LRP1B: variants seen among roughly 807,000 people sequenced by gnomAD.
LRP1B encodes low-density lipoprotein receptor-related protein 1B.
Under a neutral mutation model 556.6 loss-of-function variants are expected in LRP1B, and 217 were observed. The observed-to-expected ratio is 0.39, with a 90% CI of 0.35 to 0.44. The LOEUF (loss-of-function observed/expected upper bound fraction) is 0.44. Ranked by LOEUF, LRP1B falls within the 20% of genes least tolerant of loss-of-function variation. LRP1B has a pLI of 1.00. For synonymous variants in LRP1B, 2,047 were observed against 1,865.8 expected, an observed-to-expected ratio of 1.10 and a Z score of -2.50; for missense variants, 5,053 against 5,620.8, an observed-to-expected ratio of 0.90 and a Z score of 3.23.
intron 2 of LRP1B, among the ~76,000 whole-genome samples, chr2:141,673,541 T>C (rs1574225242): frequency 6.6e-6 from 1 of 152,266 alleles, no homozygotes; most frequent in East Asian, 1.9e-4. Context: ...TCTCTTAAAA[T>C]GTGCTGTCCA....
intron 2 of LRP1B, among the ~76,000 whole-genome samples, chr2:141,633,540 A>G (rs1310029542): frequency 1.3e-5 from 2 of 152,184 alleles, no homozygotes; most frequent in South Asian, 2.1e-4. Context: ...TTTGCCTCTG[A>G]ATCTACCAAT....
intron 1 of LRP1B, among the ~76,000 whole-genome samples, chr2:141,844,660 A>G (rs575064045): frequency 6.6e-6 from 1 of 152,204 alleles, no homozygotes; most frequent in South Asian, 2.1e-4. Flanking sequence ...GAAGACTCAC[A>G]TCCACTGAAA....
intron 2 of LRP1B, among the ~76,000 whole-genome samples, chr2:141,564,228 T>C (rs1170306702): frequency 2.0e-5 from 3 of 151,994 alleles, no homozygotes; most frequent in African/African-American, 4.8e-5. Flanking sequence ...AGAGAGATAA[T>C]GTGGAACACA....
chr2:140,344,184 G>A (rs1182353618), intron 77 of LRP1B, among the ~76,000 whole-genome samples: 1 of 151,704 alleles, frequency 6.6e-6, no homozygotes, highest in Non-Finnish European at 1.5e-5. Context: ...TGTCTATTAA[G>A]GGAACTGTGG....
intron 1 of LRP1B, among the ~76,000 whole-genome samples, chr2:142,026,072 T>C (rs2105185832): frequency 6.6e-6 from 1 of 152,192 alleles, no homozygotes; most frequent in Middle Eastern, 3.4e-3. Context: ...TATGAAATGC[T>C]TTAAAGAATA....
At chr2:140,499,115 T>G (rs1433874654) in intron 55 of LRP1B, among the ~76,000 whole-genome samples, 4 of 151,884 alleles carry the variant, frequency 2.6e-5, no homozygotes, top group Non-Finnish European at 4.4e-5. Context: ...TATAAAGTAT[T>G]AATAAACAAG....
At chr2:141,222,014 A>C (rs2105278007) in intron 6 of LRP1B, among the ~76,000 whole-genome samples, 1 of 152,322 alleles carries the variant, frequency 6.6e-6, no homozygotes, top group East Asian at 1.9e-4. Context: ...CACAATTAGA[A>C]GAACTAGGGA....
chr2:141,645,040 A>G (rs1324868962), intron 2 of LRP1B, among the ~76,000 whole-genome samples: 1 of 152,148 alleles, frequency 6.6e-6, no homozygotes, highest in African/African-American at 2.4e-5. Flanking sequence ...AGCTGATGAT[A>G]TAATGACTAC....
At chr2:140,839,116 T>A (rs550464590) in intron 31 of LRP1B, among the ~76,000 whole-genome samples, 2 of 152,262 alleles carry the variant, frequency 1.3e-5, no homozygotes, top group East Asian at 3.9e-4. Context: ...ATAATGATGA[T>A]CAGGAAAAGA....
chr2:141,128,646 C>G (rs985326274), intron 7 of LRP1B, among the ~76,000 whole-genome samples: 1 of 152,044 alleles, frequency 6.6e-6, no homozygotes, highest in Non-Finnish European at 1.5e-5. Flanking sequence ...TGTAAGACAG[C>G]GTTTTGCCTT....
chr2:140,780,954 A>G (rs1689676956), intron 32 of LRP1B, among the ~76,000 whole-genome samples: 1 of 152,104 alleles, frequency 6.6e-6, no homozygotes, highest in Admixed American at 6.6e-5. Flanking sequence ...TAAAATGCCA[A>G]CCTCACCCTT....
chr2:141,634,324 G>T (rs895694794), intron 2 of LRP1B, among the ~76,000 whole-genome samples: 1 of 151,668 alleles, frequency 6.6e-6, no homozygotes, highest in Non-Finnish European at 1.5e-5. Flanking sequence ...TAAAACCAAA[G>T]CTATAAAAAC....
intron 15 of LRP1B, among the ~76,000 whole-genome samples, chr2:141,000,902 G>T (rs1697399978): frequency 1.2e-5 from 1 of 82,764 alleles, no homozygotes; most frequent in African/African-American, 4.6e-5. Flanking sequence ...TTATCAATCT[G>T]TCAATATCTT....
intron 2 of LRP1B, among the ~76,000 whole-genome samples, chr2:141,491,537 G>A (rs1337896885): frequency 6.6e-6 from 1 of 152,152 alleles, no homozygotes; most frequent in East Asian, 1.9e-4. Flanking sequence ...GTTCAGGGCA[G>A]CTTGGAGAGC....
intron 17 of LRP1B, among the ~76,000 whole-genome samples, chr2:140,985,360 A>G (rs113966048): frequency 6.6e-6 from 1 of 150,984 alleles, no homozygotes; most frequent in South Asian, 2.1e-4. Context: ...TTTAAAATCA[A>G]TTATACTTAT....
chr2:141,538,999 A>T (rs891566953), intron 2 of LRP1B, among the ~76,000 whole-genome samples: 4 of 152,202 alleles, frequency 2.6e-5, no homozygotes, highest in Admixed American at 6.5e-5. Context: ...GCACACATGT[A>T]TATATTCAAT....
chr2:141,664,209 C>T (rs1326881178), intron 2 of LRP1B, among the ~76,000 whole-genome samples: 3 of 152,130 alleles, frequency 2.0e-5, no homozygotes, highest in Non-Finnish European at 4.4e-5. Context: ...TAAAAACTCG[C>T]AATAAACTAG....
At position 141,145,949 on chromosome 2, in the gene LRP1B, G is replaced by T. The variant is rs1373222921; in HGVS notation, c.1013+42472C>A. On this transcript the variant is annotated intron_variant, in intron 7 of 90. Coordinates refer to ENST00000389484, the MANE Select transcript of LRP1B (RefSeq NM_018557.3). ...TTTTTTTTTTTTTTTTTTTGAGATG[G>T]AGTCTTGCTCTGTTGCCCAGGCTGG... Among the ~76,000 whole-genome samples the T allele has an allele frequency of 1.4e-4, 15 of 104,570 alleles. 1 individual carries two copies. In the Admixed American group the frequency reaches 1.8e-3, roughly 12 times the overall value. 68.6% of individuals were successfully genotyped at this position (104,570 alleles called of 152,430 possible).
intron 3 of LRP1B, among the ~76,000 whole-genome samples, chr2:141,422,539 T>A (rs1680181895): frequency 6.6e-6 from 1 of 152,180 alleles, no homozygotes; most frequent in Admixed American, 6.5e-5. Flanking sequence ...ATAAGAAGAC[T>A]GATGAAAAAT....
Sources: allele counts gnomAD v4.1 joint callset (sites outside exome capture counted in the v4.1 genomes callset), GRCh38; gene constraint gnomAD v4.1.1; transcripts MANE v1.5; gene names NCBI Gene and HGNC (gene_info 2026-07-23, HGNC 2026-07-21).